The following C8orf88 variants were observed in gnomAD, a reference collection of about 807,000 sequenced individuals.
C8orf88 encodes uncharacterized protein C8orf88.
In C8orf88, 14 loss-of-function variants were observed where a neutral mutation model predicts 18.4. The observed-to-expected ratio is 0.76, with a 90% CI of 0.50 to 1.19. The LOEUF is 1.19. Among genes scored for constraint, C8orf88 ranks in the 50% most tolerant of loss-of-function variants. The pLI is 0.00. For synonymous variants in C8orf88, 45 were observed against 42.9 expected (o/e 1.05, Z -0.19); for missense variants, 116 against 134.7 (o/e 0.86, Z 0.69).
chr8:90,968,900 A>C (rs1291419935), intron 4 of C8orf88, among the ~76,000 whole-genome samples: 1 of 151,332 alleles, frequency 6.6e-6, no homozygotes, highest in Non-Finnish European at 1.5e-5. Context: ...ATCATAAGAA[A>C]ATGCAAATCA....
intron 4 of C8orf88, among the ~76,000 whole-genome samples, chr8:90,962,945 G>A (rs1201190386): frequency 6.6e-6 from 1 of 151,578 alleles, no homozygotes; most frequent in African/African-American, 2.4e-5. Context: ...GAAGGGCAGT[G>A]AAAGAATCCC....
intron 3 of C8orf88, 77 bp from the exon 4 acceptor site, chr8:90,971,218 A>G: frequency 1.4e-6 from 1 of 715,976 alleles, no homozygotes; most frequent in Non-Finnish European, 2.2e-6. Context: ...ACCCAAAAAT[A>G]TTTTCCTAAT....
rs1184452147 is a variant in C8orf88 at position 90,980,367 on chromosome 8, G to A, written c.69C>T (p.Pro23=). 2.4e-5 allele frequency: 36 copies of A among 1,525,656 alleles called. No individual in the cohort carries two copies. Among genetic ancestry groups the A allele is most frequent in the Non-Finnish European group, 2.9e-5 (33 of 1,142,898 alleles). The allele number at this position is 1,525,656 out of a possible 1,614,324, so 94.5% of individuals were successfully genotyped here. The change falls in exon 2 of 6, where the codon CCC becomes CCT. Residue 23 remains proline, a synonymous_variant. Coordinates refer to ENST00000517562, the MANE Select transcript of C8orf88 (RefSeq NM_001190972.2). ...ACTGTACAATCTATTACTCACCTGGGGGAGAAGTCAGATGACGAACAGGTC... is the reference window on the plus strand; with the variant it reads ...ACTGTACAATCTATTACTCACCTGGAGGAGAAGTCAGATGACGAACAGGTC... ...PARPVRHLTS[P]PGAVFPFNFQ...
intron 4 of C8orf88, among the ~76,000 whole-genome samples, chr8:90,965,532 C>G (rs73298102): frequency 0.025 from 3,818 of 151,822 alleles, 171 homozygotes; most frequent in African/African-American, 0.087. Flanking sequence ...CAACACTTTA[C>G]CCAACAACAG....
chr8:90,979,919 A>C (rs1811408265), intron 2 of C8orf88, among the ~76,000 whole-genome samples: 1 of 152,242 alleles, frequency 6.6e-6, no homozygotes, highest in African/African-American at 2.4e-5. Flanking sequence ...TCAGAGCACA[A>C]GTATGACACA....
At chr8:90,962,280 A>G (rs1022622038) in intron 4 of C8orf88, among the ~76,000 whole-genome samples, 7 of 151,714 alleles carry the variant, frequency 4.6e-5, no homozygotes, top group Admixed American at 2.0e-4. Flanking sequence ...CACCAACCCA[A>G]TACCCTTTTT....
chr8:90,972,188 G>C (rs548411057), intron 3 of C8orf88, among the ~76,000 whole-genome samples: 20 of 152,162 alleles, frequency 1.3e-4, no homozygotes, highest in Middle Eastern at 6.8e-3. Context: ...CCTAAAGGCA[G>C]TAGGACTAAT....
At chr8:90,983,567 A>T (rs1811463358) in intron 1 of C8orf88, among the ~76,000 whole-genome samples, 1 of 152,152 alleles carries the variant, frequency 6.6e-6, no homozygotes, top group Admixed American at 6.5e-5. Flanking sequence ...GATAATAAGC[A>T]GATACATTGA....
In C8orf88 at chr8:90,960,807, T is replaced by C. The variant is rs1318171177; in HGVS notation, c.265A>G (p.Ser89Gly). 1 of 1,531,248 alleles carries C rather than the reference T, an allele frequency of 6.5e-7. No individual in the cohort carries two copies. Among genetic ancestry groups the C allele is most frequent in the African/African-American group, 1.4e-5 (1 of 72,758 alleles). 94.9% of individuals were successfully genotyped at this position (1,531,248 alleles called of 1,614,324 possible). The change falls in exon 5 of 6, where the codon AGT becomes GGT. Residue 89 changes from serine to glycine, a missense_variant. Coordinates refer to ENST00000517562, the MANE Select transcript of C8orf88 (RefSeq NM_001190972.2). ...YSRDFLLKLS[S>G]VSICRKKPDF... ...GGTTTTTTTCTGCAGATGGAAACAC[T>C]TGAGAGCTTCAACAGGAAATCTCTG...
chr8:90,972,429 C>A (rs574818252), intron 3 of C8orf88, among the ~76,000 whole-genome samples: 13 of 149,254 alleles, frequency 8.7e-5, no homozygotes, highest in African/African-American at 1.5e-4. Context: ...AAAAAAAAAA[C>A]AATTTCTTGC....
intron 3 of C8orf88, among the ~76,000 whole-genome samples, chr8:90,976,063 CTAA>C (rs1446763670): frequency 6.6e-6 from 1 of 151,818 alleles, no homozygotes; most frequent in African/African-American, 2.4e-5. Flanking sequence ...ACAGTAAAAA[CTAA>C]CTTATCTATC....
chr8:90,965,579 C>T (rs1177872371), intron 4 of C8orf88, among the ~76,000 whole-genome samples: 1 of 151,776 alleles, frequency 6.6e-6, no homozygotes, highest in African/African-American at 2.4e-5. Context: ...CATGGAACCA[C>T]AGCACACATG....
chr8:90,977,320 A>G (rs1481577180), intron 3 of C8orf88, among the ~76,000 whole-genome samples: 3 of 152,238 alleles, frequency 2.0e-5, no homozygotes, highest in Non-Finnish European at 4.4e-5. Context: ...CCCTGTTCAT[A>G]CAAATCGCTT....
In C8orf88 at chr8:90,958,777, C is replaced by T. The variant is rs1811078822; in HGVS notation, c.*230G>A. On this transcript the variant is annotated 3_prime_UTR_variant, in exon 6 of 6. Coordinates refer to ENST00000517562, the MANE Select transcript of C8orf88 (RefSeq NM_001190972.2). ...GTCTTCCCACTTCACTAACCAAATT[C>T]CTACTTTCCAGTGTTACTTCCCAAT... 3.2e-5 allele frequency: 13 copies of T among 400,006 alleles called. No individual in the cohort carries two copies. In the South Asian group the frequency reaches 5.3e-4, roughly 16 times the overall value. 24.8% of individuals were successfully genotyped at this position (400,006 alleles called of 1,614,324 possible).
At chr8:90,969,601 A>C (rs1811255821) in intron 4 of C8orf88, among the ~76,000 whole-genome samples, 1 of 151,916 alleles carries the variant, frequency 6.6e-6, no homozygotes, top group African/African-American at 2.4e-5. Flanking sequence ...CCAAAGAGAC[A>C]GAAATAGCTT....
At chr8:90,968,176 C>G (rs1309506779) in intron 4 of C8orf88, among the ~76,000 whole-genome samples, 1 of 151,578 alleles carries the variant, frequency 6.6e-6, no homozygotes, top group Admixed American at 6.6e-5. Context: ...ACAGTTACTA[C>G]AAAGCTATAG....
intron 4 of C8orf88, among the ~76,000 whole-genome samples, chr8:90,963,398 G>T (rs1811154080): frequency 6.6e-6 from 1 of 151,618 alleles, no homozygotes; most frequent in Non-Finnish European, 1.5e-5. Context: ...AAAATGTCCA[G>T]TTCTCAACCA....
intron 4 of C8orf88, among the ~76,000 whole-genome samples, chr8:90,969,961 G>GA (rs1811260455): frequency 6.6e-6 from 1 of 151,652 alleles, no homozygotes; most frequent in Non-Finnish European, 1.5e-5. Context: ...CCCATGTAAG[G>GA]AAAAAAAGAA....
intron 4 of C8orf88, among the ~76,000 whole-genome samples, chr8:90,969,890 A>T (rs920746369): frequency 1.3e-5 from 2 of 152,054 alleles, no homozygotes; most frequent in Admixed American, 6.6e-5. Context: ...GCTGCACATT[A>T]GTACTAAAGA....
Sources: gnomAD v4.1 joint callset for allele counts (sites outside exome capture counted in the v4.1 genomes callset) on GRCh38, gnomAD v4.1.1 for gene constraint, MANE v1.5 for transcripts, NCBI Gene and HGNC (gene_info 2026-07-23, HGNC 2026-07-21) for gene names.